GPHN: variants seen among roughly 807,000 people sequenced by gnomAD.
The protein encoded by GPHN is gephyrin.
In GPHN, 17 loss-of-function variants were observed where a neutral mutation model predicts 95.5. The observed-to-expected ratio is 0.18, with a 90% confidence interval of 0.12 to 0.27. The LOEUF (loss-of-function observed/expected upper bound fraction) is 0.27, where lower values mean the gene tolerates loss of function less well. Ranked by LOEUF, GPHN falls within the 10% of genes least tolerant of loss-of-function variation. The pLI is 1.00. For synonymous variants in GPHN, 320 were observed against 322.5 expected (o/e 0.99, Z 0.08); for missense variants, 660 against 978.1 (o/e 0.67, Z 4.34).
the GPHN span, among the ~76,000 whole-genome samples, chr14:67,555,526 A>T: frequency 1.6e-3 from 246 of 152,240 alleles, 2 homozygotes; most frequent in African/African-American, 5.6e-3. Context: ...GCTCAGGAAG[A>T]ATGACAGTGG....
chr14:67,345,149 G>A, the GPHN span, among the ~76,000 whole-genome samples: 1 of 151,980 alleles, frequency 6.6e-6, no homozygotes. Context: ...GGCTGAGGTG[G>A]GCGGATCACT....
rs554381763 is a variant in GPHN at position 67,118,570 on chromosome 14, A to C, written c.1627-3686A>C. 3.9e-3 allele frequency among the ~76,000 whole-genome samples: 597 copies of C among 152,198 alleles called. 5 individuals carry two copies. The highest frequency in any genetic ancestry group is 0.014 in the African/African-American group (574 of 41,536). On this transcript the variant is annotated intron_variant, in intron 16 of 22. Coordinates refer to ENST00000478722, the MANE Select transcript of GPHN (RefSeq NM_020806.5). ...GTGAAACCCCTACTCTACTAAAAAT[A>C]CAAAAAAATTAGCCGGGTGTGGTGG...
At chr14:67,696,182 C>T in the GPHN span, among the ~76,000 whole-genome samples, 2 of 152,070 alleles carry the variant, frequency 1.3e-5, no homozygotes, top group Non-Finnish European at 2.9e-5. Context: ...GAATAGTACA[C>T]TTATTCCTAT....
intron 10 of GPHN, among the ~76,000 whole-genome samples, chr14:67,044,055 G>A (rs948502813): frequency 5.3e-5 from 8 of 152,112 alleles, no homozygotes; most frequent in Non-Finnish European, 1.2e-4. Flanking sequence ...GTGTTTCTGT[G>A]GAATTAGTGG....
chr14:67,728,703 TGG>T, the GPHN span, among the ~76,000 whole-genome samples: 2 of 142,154 alleles, frequency 1.4e-5, no homozygotes, highest in Admixed American at 7.0e-5. Flanking sequence ...GGATATCTTG[TGG>T]GGGGGGGGTG....
chr14:66,999,378 T>A (rs2072061217), intron 9 of GPHN, among the ~76,000 whole-genome samples: 1 of 152,000 alleles, frequency 6.6e-6, no homozygotes, highest in Non-Finnish European at 1.5e-5. Context: ...AAGATACACC[T>A]ATAAGACACA....
the GPHN span, chr14:67,674,379 C>T: frequency 2.5e-6 from 4 of 1,594,260 alleles, no homozygotes; most frequent in Admixed American, 3.5e-5. Flanking sequence ...CCTCACCGGT[C>T]CCCGCCGTCC....
At chr14:67,206,195 C>G in the GPHN span, among the ~76,000 whole-genome samples, 4 of 151,304 alleles carry the variant, frequency 2.6e-5, no homozygotes, top group African/African-American at 7.3e-5. Context: ...AAACACAAAA[C>G]AAAAGAAAAG....
At chr14:67,644,263 A>C in the GPHN span, among the ~76,000 whole-genome samples, 1 of 152,206 alleles carries the variant, frequency 6.6e-6, no homozygotes, top group Non-Finnish European at 1.5e-5. Context: ...AGTTTAACAT[A>C]TATTACTACT....
chr14:67,193,075 C>T, the GPHN span, among the ~76,000 whole-genome samples: 8 of 141,226 alleles, frequency 5.7e-5, no homozygotes, highest in African/African-American at 2.1e-4. Flanking sequence ...TATATATATC[C>T]ATATATCTAT....
At position 66,732,513 on chromosome 14, in the gene GPHN, G is replaced by A. The variant is rs534442642; in HGVS notation, c.144-43951G>A. ...CCTGTGCCACCATTGTAACTTAAAA[G>A]TAACTAGCTTGGGTCCTTTTTGAGA... is the stretch of plus-strand genomic sequence containing the variant. On this transcript the variant is annotated intron_variant, in intron 2 of 22. Transcript: ENST00000478722. Among the ~76,000 whole-genome samples, 10 of 152,320 alleles carry A rather than the reference G, an allele frequency of 6.6e-5. No individual in the cohort carries two copies. In the South Asian group the frequency reaches 2.1e-3, roughly 32 times the overall value.
intron 10 of GPHN, among the ~76,000 whole-genome samples, chr14:67,055,421 G>T (rs2075513430): frequency 6.6e-6 from 1 of 152,194 alleles, no homozygotes; most frequent in Admixed American, 6.5e-5. Flanking sequence ...AACAACAGAT[G>T]CTGGCAAGGC....
the GPHN span, among the ~76,000 whole-genome samples, chr14:67,490,128 TG>T: frequency 6.6e-6 from 1 of 152,344 alleles, no homozygotes; most frequent in Middle Eastern, 3.4e-3. Flanking sequence ...CTTGGGCGAC[TG>T]AAACATCCAA....
At chr14:67,466,668 C>G in the GPHN span, among the ~76,000 whole-genome samples, 1 of 152,140 alleles carries the variant, frequency 6.6e-6, no homozygotes, top group African/African-American at 2.4e-5. Context: ...CCTTGCAGGG[C>G]ACAGTAAATG....
At chr14:66,842,583 A>T (rs1027886962) in intron 4 of GPHN, 8 of 822,320 alleles carry the variant, frequency 9.7e-6, no homozygotes, top group Non-Finnish European at 1.2e-5. Flanking sequence ...GCTGGTTCTT[A>T]TTTCCCTGAA....
rs553807057 is a variant in GPHN at position 66,893,779 on chromosome 14, T to C, written c.389+13746T>C. Among the ~76,000 whole-genome samples the C allele has an allele frequency of 1.1e-4, 16 of 152,138 alleles. No homozygotes were observed. In the South Asian group the frequency reaches 1.5e-3, roughly 14 times the overall value. ...CCATTCACAAATGCTTCAAAGAGAA[T>C]AAAATACCTAGGAATCCAACTTACA... On this transcript the variant is annotated intron_variant, in intron 5 of 22. Transcript: ENST00000478722.
intron 4 of GPHN, among the ~76,000 whole-genome samples, chr14:66,855,202 T>C (rs1417414747): frequency 6.6e-6 from 1 of 152,198 alleles, no homozygotes; most frequent in Non-Finnish European, 1.5e-5. Flanking sequence ...ATTCACAATG[T>C]TGTACAATTA....
chr14:67,009,814 A>G (rs2072861016), intron 9 of GPHN, among the ~76,000 whole-genome samples: 1 of 151,990 alleles, frequency 6.6e-6, no homozygotes, highest in South Asian at 2.1e-4. Flanking sequence ...GTTGGTGTGC[A>G]GTGGTGCAAT....
chr14:66,830,819 T>C (rs977704173), intron 4 of GPHN, among the ~76,000 whole-genome samples: 2 of 152,090 alleles, frequency 1.3e-5, no homozygotes, highest in African/African-American at 2.4e-5. Context: ...TACAAATTTT[T>C]TTCACTTAGG....
Sources: gnomAD v4.1 joint callset for allele counts (sites outside exome capture counted in the v4.1 genomes callset) on GRCh38, gnomAD v4.1.1 for gene constraint, MANE v1.5 for transcripts, NCBI Gene and HGNC (gene_info 2026-07-23, HGNC 2026-07-21) for gene names.